Variants in PLA2G6 observed in about 807,000 individuals in gnomAD.
PLA2G6 encodes the protein 85/88 kDa calcium-independent phospholipase A2.
In PLA2G6, 62 loss-of-function variants were observed where a neutral mutation model predicts 83.8. The ratio of observed to expected loss-of-function variants is 0.74; its 90% CI spans 0.60 to 0.91. The LOEUF is 0.91. Among genes scored for constraint, PLA2G6 ranks in the 40% least tolerant of loss-of-function variants. The pLI is 0.00. For synonymous variants in PLA2G6, 417 were observed against 449.8 expected, an observed-to-expected ratio of 0.93 and a Z score of 0.92; for missense variants, 944 against 1,102.0, an observed-to-expected ratio of 0.86 and a Z score of 2.03.
intron 14 of PLA2G6, 108 bp downstream of exon 14, chr22:38,115,419 G>C: frequency 1.0e-6 from 1 of 980,222 alleles, no homozygotes; most frequent in Non-Finnish European, 1.6e-6. Flanking sequence ...ATGAGTGCGT[G>C]TGTAAAAGCC....
chr22:38,125,440 G>A (rs527507322), intron 10 of PLA2G6, among the ~76,000 whole-genome samples: 15 of 152,324 alleles, frequency 9.8e-5, no homozygotes, highest in Admixed American at 2.6e-4. Context: ...AAGTGAGTGC[G>A]AAGTGAGAGG....
In PLA2G6 at chr22:38,169,443, G is replaced by C; in HGVS notation, c.-17C>G. ...GAACTGCATCTTCTGCGGGGCAGGT[G>C]GGGAGGCCCCACCGTCTTCCCCCTC... On this transcript the variant is annotated 5_prime_UTR_variant, in exon 2 of 17. Coordinates refer to ENST00000332509, the MANE Select transcript of PLA2G6 (RefSeq NM_003560.4). 1 of 1,609,654 alleles carries C rather than the reference G, an allele frequency of 6.2e-7. No individual in the cohort carries two copies. Among genetic ancestry groups the C allele is most frequent in the Non-Finnish European group, 8.5e-7 (1 of 1,176,516 alleles).
intron 2 of PLA2G6, among the ~76,000 whole-genome samples, chr22:38,162,500 T>C (rs2090058868): frequency 1.3e-5 from 2 of 151,948 alleles, no homozygotes; most frequent in South Asian, 4.1e-4. Flanking sequence ...GGTGGAGGAC[T>C]AGAGGGAATG....
chr22:38,112,065 TG>T lies in PLA2G6; in HGVS notation c.*95del. On this transcript the variant is annotated 3_prime_UTR_variant, in exon 17 of 17. Coordinates refer to ENST00000332509, the MANE Select transcript of PLA2G6 (RefSeq NM_003560.4). The stretch of plus-strand genomic sequence containing the variant: ...CCTGGTCTATGGACTCAGAGGTGCC[TG>T]GGCCCAGATCTGCCCGGGAGGGCAG... 2 of 1,426,616 alleles carry T rather than the reference TG, an allele frequency of 1.4e-6. No homozygotes were observed. Among genetic ancestry groups the T allele is most frequent in the Non-Finnish European group, 1.9e-6 (2 of 1,036,412 alleles). 88.4% of individuals were successfully genotyped at this position (1,426,616 alleles called of 1,614,324 possible).
chr22:38,169,164 C>T lies in PLA2G6; in HGVS notation c.209+54G>A, dbSNP rs1035667887. On this transcript the variant is annotated intron_variant, in intron 2 of 16. Coordinates refer to ENST00000332509, the MANE Select transcript of PLA2G6 (RefSeq NM_003560.4). ...TTCTCGGCCAATAAGACCTCCAATC[C>T]GAGACGTGGGGGAGTGAAAGGAGAG... 8.6e-6 allele frequency: 12 copies of T among 1,394,084 alleles called. No individual in the cohort carries two copies. In the African/African-American group the frequency reaches 1.1e-4, roughly 13 times the overall value. The allele number at this position is 1,394,084 out of a possible 1,614,324, so 86.4% of individuals were successfully genotyped here. A position where few individuals can be genotyped will look rare whatever the true frequency, so the allele number is the denominator to read the frequency against.
chr22:38,181,748 G>C lies in PLA2G6; in HGVS notation c.-130C>G, dbSNP rs11570597. 6.6e-6 allele frequency: 1 copy of C among 152,236 alleles called. No individual in the cohort carries two copies. Among genetic ancestry groups the C allele is most frequent in the Non-Finnish European group, 1.5e-5 (1 of 68,056 alleles). The allele number at this position is 152,236 out of a possible 1,614,324, so 9.4% of individuals were successfully genotyped here. ...GGAGCGCCGAGGAAGTTGGGGAACG[G>C]ACCCCCAGGCCCCGCCCACCCGCGA... On this transcript the variant is annotated 5_prime_UTR_variant, in exon 1 of 17. Transcript: ENST00000332509.
At chr22:38,115,849 C>T in intron 13 of PLA2G6, 168 bp from the exon 14 acceptor site, 1 of 1,474,748 alleles carries the variant, frequency 6.8e-7, no homozygotes, top group Non-Finnish European at 9.0e-7. Context: ...GCTAGTTCGT[C>T]CTGGTGGAAG....
intron 2 of PLA2G6, chr22:38,147,429 T>C (rs568826858): frequency 5.9e-6 from 1 of 169,362 alleles, no homozygotes; most frequent in African/African-American, 2.4e-5. Flanking sequence ...CAGCCTGTTG[T>C]TCCACAGAGA....
intron 2 of PLA2G6, chr22:38,150,641 T>C (rs1277957606): frequency 6.6e-6 from 1 of 152,168 alleles, no homozygotes; most frequent in Non-Finnish European, 1.5e-5. Flanking sequence ...ATGTGCCACA[T>C]TACACCTGTT....
chr22:38,112,673 G>C, intron 15 of PLA2G6, 96 bp from the exon 16 acceptor site: 1 of 1,059,326 alleles, frequency 9.4e-7, no homozygotes, highest in Non-Finnish European at 1.4e-6. Context: ...CCCAGCCTGG[G>C]GAGCCCCAGG....
intron 11 of PLA2G6, 44 bp from the exon 12 acceptor site, chr22:38,120,953 C>T (rs750534315): frequency 3.3e-5 from 53 of 1,608,120 alleles, no homozygotes; most frequent in Middle Eastern, 1.7e-4. Flanking sequence ...AGCGGCCACA[C>T]GCAGGGCTCC....
At chr22:38,143,070 T>C (rs774594343) in intron 4 of PLA2G6, 35 bp downstream of exon 4, 8 of 1,596,358 alleles carry the variant, frequency 5.0e-6, no homozygotes, top group Admixed American at 3.3e-5. Context: ...CCGGGAGGTA[T>C]CAGTACCAGT....
chr22:38,169,323 C>G lies in PLA2G6; in HGVS notation c.104G>C (p.Ser35Thr). 2.5e-6 allele frequency: 4 copies of G among 1,614,210 alleles called. No homozygotes were observed. The highest frequency in any genetic ancestry group is 3.4e-6 in the Non-Finnish European group (4 of 1,180,026). ...KEVAVADYTSSDRVREEGQLI... is the reference protein window; with the variant it reads ...KEVAVADYTSTDRVREEGQLI... Reference sequence around the variant, plus strand: ...CTGCCCTTCCTCCCGAACTCGGTCACTCGAGGTGTAGTCGGCCACAGCCAC... The same window carrying G: ...CTGCCCTTCCTCCCGAACTCGGTCAGTCGAGGTGTAGTCGGCCACAGCCAC... The change falls in exon 2 of 17, where the codon AGT (serine) becomes ACT (threonine). Residue 35 changes from serine to threonine, a missense_variant. Physicochemically the swap from Ser to Thr is moderately conservative, Grantham distance 58. Coordinates refer to ENST00000332509, the MANE Select transcript of PLA2G6 (RefSeq NM_003560.4).
chr22:38,112,988 C>A (rs180708740), intron 15 of PLA2G6: 1 of 354,752 alleles, frequency 2.8e-6, no homozygotes, highest in Non-Finnish European at 5.3e-6. Context: ...CTCACTGCAG[C>A]CTCTGCCTCT....
chr22:38,128,091 C>T lies in PLA2G6; in HGVS notation c.1348+178G>A, dbSNP rs71317087. 1.5e-6 allele frequency: 1 copy of T among 645,800 alleles called. No individual in the cohort carries two copies. 40.0% of individuals were successfully genotyped at this position (645,800 alleles called of 1,614,324 possible). A position where few individuals can be genotyped will look rare whatever the true frequency, so the allele number is the denominator to read the frequency against. On this transcript the variant is annotated intron_variant, in intron 9 of 16. Transcript: ENST00000332509. The surrounding 1 kb of genome is among the most constrained non-coding windows in gnomAD (Gnocchi z 4.4). ...GCATGGGACATCAGCCAGGGACACC[C>T]TAGGCCTCTGGGATCTGTGGGTTGC...
At chr22:38,114,181 C>CT (rs892300892) in intron 14 of PLA2G6, among the ~76,000 whole-genome samples, 4,180 of 137,554 alleles carry the variant, frequency 0.03, 98 homozygotes, top group Non-Finnish European at 0.044. Flanking sequence ...TGGGTGCTGC[C>CT]TTTTTTTTTT....
rs55679135 is a variant in PLA2G6 at position 38,116,348 on chromosome 22, C to T, written c.1743-137G>A. The T allele has an allele frequency of 0.012, 10,973 of 934,844 alleles. 109 individuals are homozygous for T. Among genetic ancestry groups the T allele is most frequent in the Non-Finnish European group, 0.014 (8,300 of 583,378 alleles). 57.9% of individuals were successfully genotyped at this position (934,844 alleles called of 1,614,324 possible). ...TGTTCGGGATAGGTGGGCTTCTCCC[C>T]GCACCATCCCCGCAAAACAGGCTCT... On this transcript the variant is annotated intron_variant, in intron 12 of 16. Coordinates refer to ENST00000332509, the MANE Select transcript of PLA2G6 (RefSeq NM_003560.4).
At chr22:38,125,177 T>C (rs562441417) in intron 10 of PLA2G6, among the ~76,000 whole-genome samples, 2 of 152,046 alleles carry the variant, frequency 1.3e-5, no homozygotes, top group African/African-American at 2.4e-5. Context: ...TGCATGCATG[T>C]GTATGTGTGC....
intron 2 of PLA2G6, among the ~76,000 whole-genome samples, chr22:38,156,509 AGCG>A (rs778102760): frequency 3.9e-5 from 6 of 151,906 alleles, no homozygotes; most frequent in Non-Finnish European, 7.4e-5. Flanking sequence ...GCTGGAGTGC[AGCG>A]GCGCGATCTC....
Sources: allele counts gnomAD v4.1 joint callset (sites outside exome capture counted in the v4.1 genomes callset), GRCh38; gene constraint gnomAD v4.1.1; non-coding constraint Gnocchi (gnomAD v3.1); transcripts MANE v1.5; gene names NCBI Gene and HGNC (gene_info 2026-07-23, HGNC 2026-07-21).